MAP4: variants seen among roughly 807,000 people sequenced by gnomAD.
MAP4 encodes microtubule-associated protein 4.
MAP4 carries 76 observed loss-of-function variants against 170.2 expected under a neutral mutation model. The ratio of observed to expected loss-of-function variants is 0.45; its 90% CI spans 0.37 to 0.54. MAP4 has a LOEUF of 0.54. MAP4 is among the 20% of genes least tolerant of loss of function. The pLI is 0.00. For synonymous variants in MAP4, 909 were observed against 994.5 expected, an observed-to-expected ratio of 0.91 and a Z score of 1.62; for missense variants, 2,506 against 2,748.0, an observed-to-expected ratio of 0.91 and a Z score of 1.97.
chr3:47,904,181 C>T (rs572326664), intron 9 of MAP4, among the ~76,000 whole-genome samples: 1 of 152,286 alleles, frequency 6.6e-6, no homozygotes, highest in Admixed American at 6.5e-5. Context: ...GTGACCTTGA[C>T]AGCCTCCATT....
At position 47,998,703 on chromosome 3, in the gene MAP4, A is replaced by G. The variant is rs777749512; in HGVS notation, c.158T>C (p.Val53Ala). The G allele has an allele frequency of 6.2e-7, 1 of 1,614,142 alleles. No individual in the cohort carries two copies. The highest frequency in any genetic ancestry group is 2.2e-5 in the East Asian group (1 of 44,880). ...CTCTGAGTTCCCGGTTTTCTCATCA[A>G]CATCCAGGAGAGGAATATAGTCTGT... ...GKTDYIPLLD[V>A]DEKTGNSESK... Residue 53 changes from valine to alanine, a missense_variant, in exon 2 of 21, where the codon GTT (valine) becomes GCT (alanine). Physicochemically the swap from Val to Ala is moderately conservative, Grantham distance 64. This residue lies in a region of MAP4 where 2,008 missense variants were observed against 2,206.0 expected (regional missense o/e 0.91). Transcript: ENST00000683076.
At chr3:47,993,559 G>T (rs1269707636) in intron 2 of MAP4, among the ~76,000 whole-genome samples, 1 of 152,168 alleles carries the variant, frequency 6.6e-6, no homozygotes, top group Non-Finnish European at 1.5e-5. Context: ...GTGCCAAAAT[G>T]GTTGCATCCA....
intron 3 of MAP4, chr3:47,975,099 T>C (rs1407947433): frequency 2.3e-5 from 24 of 1,062,092 alleles, no homozygotes; most frequent in Non-Finnish European, 2.6e-5. Flanking sequence ...CAACTAAAAA[T>C]ATTTAAAGGA....
intron 1 of MAP4, among the ~76,000 whole-genome samples, chr3:48,068,811 AT>A (rs2100139641): frequency 6.6e-6 from 1 of 152,188 alleles, no homozygotes; most frequent in Non-Finnish European, 1.5e-5. Flanking sequence ...ACAGTTCACC[AT>A]GCCAGGCTCC....
Position 47,910,848 on chromosome 3 carries a change from T to C in MAP4, c.3573A>G (p.Glu1191=), listed in dbSNP as rs1390182598. 6.5e-7 allele frequency: 1 copy of C among 1,536,162 alleles called. No individual in the cohort carries two copies. Among genetic ancestry groups the C allele is most frequent in the Admixed American group, 2.0e-5 (1 of 51,004 alleles). The change falls in exon 9 of 21, where the codon GAA becomes GAG. Residue 1191 remains glutamate, a synonymous_variant. Coordinates refer to ENST00000683076, the MANE Select transcript of MAP4 (RefSeq NM_001385682.1). ...KDMGVNNQSK[E]GRCPWKDHEA... ...CATGATCCTTCCATGGACACCTTCC[T>C]TCCTTGCTCTGGTTATTGACACCCA...
chr3:47,915,286 T>C (rs1018013668), intron 7 of MAP4, among the ~76,000 whole-genome samples: 6 of 152,040 alleles, frequency 3.9e-5, no homozygotes, highest in Admixed American at 2.6e-4. Context: ...CCGGCTAATT[T>C]TGTATTTTTA....
In MAP4 at chr3:47,852,746, G is replaced by A. The variant is rs1330988276; in HGVS notation, c.*188C>T. 2.0e-6 allele frequency: 3 copies of A among 1,535,436 alleles called. No individual in the cohort carries two copies. Among genetic ancestry groups the A allele is most frequent in the East Asian group, 2.5e-5 (1 of 40,802 alleles). On this transcript the variant is annotated 3_prime_UTR_variant, in exon 21 of 21. Coordinates refer to ENST00000683076, the MANE Select transcript of MAP4 (RefSeq NM_001385682.1). ...CCGGGCACGCAAAGCAGGAGGGAAG[G>A]CGAGCCTAGCGGGCTGCCCAGCACG...
intron 10 of MAP4, among the ~76,000 whole-genome samples, chr3:47,893,462 T>C (rs1305713207): frequency 6.6e-6 from 1 of 152,164 alleles, no homozygotes; most frequent in East Asian, 1.9e-4. Flanking sequence ...CTCTAACAAT[T>C]GTAGCTTGGA....
At chr3:47,936,500 C>T (rs1169585610) in intron 3 of MAP4, among the ~76,000 whole-genome samples, 2 of 151,362 alleles carry the variant, frequency 1.3e-5, no homozygotes, top group African/African-American at 2.4e-5. Context: ...ATTCTAAAAC[C>T]CTTATATGTT....
chr3:48,031,452 G>A (rs1390163893), intron 1 of MAP4, among the ~76,000 whole-genome samples: 1 of 152,172 alleles, frequency 6.6e-6, no homozygotes, highest in East Asian at 1.9e-4. Flanking sequence ...TTGGGAGGCC[G>A]AGGCAGGAGA....
rs867636482 is a variant in MAP4 at position 48,056,830 on chromosome 3, G to A, written c.-20+31943C>T. 5.7e-4 allele frequency among the ~76,000 whole-genome samples: 63 copies of A among 110,048 alleles called. No individual in the cohort carries two copies. The South Asian group carries it at 0.019, about 33-fold the overall frequency. 72.2% of individuals were successfully genotyped at this position (110,048 alleles called of 152,430 possible). ...CCCCGCCCGGCCAGCCGACCCGTCC[G>A]GGAGGGAGGTGGGGGGGGGGTCAGC... is the stretch of plus-strand genomic sequence containing the variant. On this transcript the variant is annotated intron_variant, in intron 1 of 18. Coordinates refer to the MAP4 transcript ENST00000360240.
intron 10 of MAP4, among the ~76,000 whole-genome samples, chr3:47,882,897 C>T (rs1157034130): frequency 6.6e-6 from 1 of 152,080 alleles, no homozygotes; most frequent in African/African-American, 2.4e-5. Context: ...ACCTCTGCCT[C>T]CCAGGTTCAA....
intron 20 of MAP4, 89 bp from the exon 21 acceptor site, chr3:47,853,027 C>G (rs768410610): frequency 1.2e-6 from 2 of 1,614,106 alleles, no homozygotes; most frequent in African/African-American, 1.3e-5. Flanking sequence ...ACCAGAATGT[C>G]ATCATTAGAT....
At chr3:47,965,834 G>A (rs958795705) in intron 3 of MAP4, among the ~76,000 whole-genome samples, 2 of 151,924 alleles carry the variant, frequency 1.3e-5, no homozygotes, top group Non-Finnish European at 2.9e-5. Flanking sequence ...GCCTCCATGG[G>A]TTGCCTTTTC....
At chr3:47,959,758 CAAA>C (rs1328400083) in intron 3 of MAP4, among the ~76,000 whole-genome samples, 2 of 66,512 alleles carry the variant, frequency 3.0e-5, no homozygotes, top group Admixed American at 1.8e-4. Context: ...GACTCCATCT[CAAA>C]AAAAAAAAAA....
chr3:47,975,031 A>C, intron 3 of MAP4: 1 of 998,912 alleles, frequency 1.0e-6, no homozygotes, highest in South Asian at 4.4e-5. Context: ...ACATGTTCTC[A>C]TTTGGTGTTA....
chr3:47,871,518 A>G (rs899778934), intron 13 of MAP4, among the ~76,000 whole-genome samples: 1 of 152,108 alleles, frequency 6.6e-6, no homozygotes, highest in African/African-American at 2.4e-5. Context: ...CTGTCAATAC[A>G]TGCCTATGGA....
intron 1 of MAP4, among the ~76,000 whole-genome samples, chr3:48,077,457 AAAAG>A (rs1215382748): frequency 5.7e-4 from 86 of 151,550 alleles, no homozygotes; most frequent in Middle Eastern, 6.8e-3. Context: ...AAAAAAAAAA[AAAAG>A]AAAGAAAGAA....
intron 1 of MAP4, among the ~76,000 whole-genome samples, chr3:48,012,185 C>T (rs1004041179): frequency 6.6e-6 from 1 of 152,146 alleles, no homozygotes; most frequent in Non-Finnish European, 1.5e-5. Flanking sequence ...CATTCTGAAC[C>T]AATAAAGAGC....
Sources: gnomAD v4.1 joint callset for allele counts (sites outside exome capture counted in the v4.1 genomes callset) on GRCh38, gnomAD v4.1.1 for gene constraint, gnomAD v4.1.1 regional missense constraint, MANE v1.5 for transcripts, NCBI Gene and HGNC (gene_info 2026-07-23, HGNC 2026-07-21) for gene names.